Variants in SLC25A21 observed in about 807,000 individuals in gnomAD.
SLC25A21 encodes solute carrier family 25 member 21, also known as mitochondrial 2-oxodicarboxylate carrier.
A neutral mutation model predicts 43.8 loss-of-function variants in SLC25A21; 47 were observed. The ratio of observed to expected loss-of-function variants is 1.07; its 90% CI spans 0.85 to 1.37. The LOEUF (loss-of-function observed/expected upper bound fraction) is 1.37. Ranked by LOEUF, SLC25A21 falls within the 40% of genes most tolerant of loss-of-function variation. The pLI is 0.00. For missense variants in SLC25A21, 352 were observed against 350.2 expected, an observed-to-expected ratio of 1.00 and a Z score of -0.04; for synonymous variants, 131 against 121.3, an observed-to-expected ratio of 1.08 and a Z score of -0.52.
At chr14:36,702,493 A>AG (rs1478470508) in intron 7 of SLC25A21, among the ~76,000 whole-genome samples, 3 of 150,270 alleles carry the variant, frequency 2.0e-5, no homozygotes, top group Non-Finnish European at 3.0e-5. Flanking sequence ...AAAAAAAAAA[A>AG]AAAGAAAGAA....
intron 3 of SLC25A21, among the ~76,000 whole-genome samples, chr14:36,757,116 G>A (rs144643394): frequency 5.3e-5 from 8 of 150,138 alleles, no homozygotes; most frequent in African/African-American, 9.7e-5. Flanking sequence ...AAATGACCCA[G>A]GTGTGGTGGC....
rs185501560 is a variant in SLC25A21 at position 37,163,356 on chromosome 14, G to A, written c.70+8925C>T. On this transcript the variant is annotated intron_variant, in intron 1 of 9. Transcript: ENST00000331299. Reference sequence around the variant, plus strand: ...TGTTGTTTATGCTGCCCAGTTTGTGGTGCATTTTTCTGGTAACCCCAGCAA... The same window carrying A: ...TGTTGTTTATGCTGCCCAGTTTGTGATGCATTTTTCTGGTAACCCCAGCAA... Among the ~76,000 whole-genome samples the A allele has an allele frequency of 2.6e-4, 40 of 151,862 alleles. 1 individual carries two copies. The East Asian group carries it at 6.0e-3, about 23-fold the overall frequency.
intron 2 of SLC25A21, among the ~76,000 whole-genome samples, chr14:36,842,108 AT>A (rs904353777): frequency 6.6e-6 from 1 of 152,096 alleles, no homozygotes; most frequent in African/African-American, 2.4e-5. Context: ...GATGTGTCCT[AT>A]TTGTTTATGT....
At chr14:36,728,113 G>A (rs1884673037) in intron 5 of SLC25A21, among the ~76,000 whole-genome samples, 1 of 152,084 alleles carries the variant, frequency 6.6e-6, no homozygotes, top group Non-Finnish European at 1.5e-5. Context: ...TTTACTGTTC[G>A]GTTTCCAGTC....
chr14:37,079,003 A>T (rs895835818), intron 1 of SLC25A21, among the ~76,000 whole-genome samples: 2 of 152,314 alleles, frequency 1.3e-5, no homozygotes, highest in South Asian at 4.1e-4. Context: ...CAGGCTCACA[A>T]GCATTTCTCT....
chr14:36,700,681 A>G (rs1883241984), intron 7 of SLC25A21, among the ~76,000 whole-genome samples: 1 of 152,214 alleles, frequency 6.6e-6, no homozygotes, highest in Non-Finnish European at 1.5e-5. Flanking sequence ...TATCTAAAGA[A>G]AAGGGATATG....
chr14:36,813,377 T>A (rs140559475), intron 3 of SLC25A21, among the ~76,000 whole-genome samples: 2,012 of 151,894 alleles, frequency 0.013, 40 homozygotes, highest in African/African-American at 0.045. Context: ...TTTTTTTTTT[T>A]CTTAAAGACA....
At chr14:36,758,384 C>T (rs1886012488) in intron 3 of SLC25A21, among the ~76,000 whole-genome samples, 1 of 152,088 alleles carries the variant, frequency 6.6e-6, no homozygotes, top group Admixed American at 6.6e-5. Context: ...GAGTGTTTGG[C>T]CACAGAAGAC....
At chr14:36,983,020 A>G (rs1003465251) in intron 1 of SLC25A21, among the ~76,000 whole-genome samples, 1 of 152,210 alleles carries the variant, frequency 6.6e-6, no homozygotes, top group Non-Finnish European at 1.5e-5. Flanking sequence ...ACCATAAAGT[A>G]TGATTGAATA....
intron 1 of SLC25A21, among the ~76,000 whole-genome samples, chr14:36,920,193 C>T (rs1891942964): frequency 6.6e-6 from 1 of 151,860 alleles, no homozygotes; most frequent in South Asian, 2.1e-4. Flanking sequence ...AATCTCTATC[C>T]TATTAAAGAC....
At chr14:37,137,601 T>C (rs1443132306) in intron 1 of SLC25A21, among the ~76,000 whole-genome samples, 7 of 152,192 alleles carry the variant, frequency 4.6e-5, no homozygotes, top group African/African-American at 1.7e-4. Context: ...AATGCATCAT[T>C]TGTGCCAGCT....
chr14:37,146,260 C>A (rs956059088), intron 1 of SLC25A21, among the ~76,000 whole-genome samples: 4 of 152,180 alleles, frequency 2.6e-5, no homozygotes, highest in Non-Finnish European at 4.4e-5. Context: ...GAGTACCAAA[C>A]AGACCAAGAG....
intron 1 of SLC25A21, among the ~76,000 whole-genome samples, chr14:37,030,779 A>G (rs1291736033): frequency 6.6e-6 from 1 of 152,190 alleles, no homozygotes; most frequent in Non-Finnish European, 1.5e-5. Context: ...TGTTCCTAAA[A>G]TCAAAGAAAC....
At chr14:36,878,981 G>A (rs1324963688) in intron 1 of SLC25A21, among the ~76,000 whole-genome samples, 1 of 152,038 alleles carries the variant, frequency 6.6e-6, no homozygotes, top group Admixed American at 6.6e-5. Context: ...TAGTATTTGA[G>A]AAGGAATATG....
chr14:36,778,562 A>C (rs902945531), intron 3 of SLC25A21, among the ~76,000 whole-genome samples: 1 of 152,220 alleles, frequency 6.6e-6, no homozygotes, highest in African/African-American at 2.4e-5. Flanking sequence ...TTCAAGCCAC[A>C]GGGTGGGGGT....
intron 1 of SLC25A21, among the ~76,000 whole-genome samples, chr14:36,894,474 G>A (rs1203059316): frequency 1.3e-5 from 2 of 152,130 alleles, no homozygotes; most frequent in African/African-American, 2.4e-5. Context: ...ATACAATCAT[G>A]TCATCTGCAA....
intron 1 of SLC25A21, among the ~76,000 whole-genome samples, chr14:36,918,305 A>G (rs1891886773): frequency 6.6e-6 from 1 of 152,208 alleles, no homozygotes; most frequent in African/African-American, 2.4e-5. Context: ...TGGGTCACCC[A>G]TCCCAGAATC....
At position 37,128,577 on chromosome 14, in the gene SLC25A21, T is replaced by TGTGTGC. The variant is rs1024661078; in HGVS notation, c.70+43703_70+43704insGCACAC. ...GTGTGTGTGTGTGTGTGTGTGTGTG[T>TGTGTGC]GCATTTTGCTTTGTTTTATTTTTGA... On this transcript the variant is annotated intron_variant, in intron 1 of 9. Transcript: ENST00000331299. 7.2e-3 allele frequency among the ~76,000 whole-genome samples: 1,081 copies of TGTGTGC among 149,234 alleles called. 14 individuals are homozygous for TGTGTGC. The highest frequency in any genetic ancestry group is 0.026 in the African/African-American group (1,032 of 39,460).
At chr14:37,134,430 G>A (rs1048903858) in intron 1 of SLC25A21, among the ~76,000 whole-genome samples, 1 of 152,108 alleles carries the variant, frequency 6.6e-6, no homozygotes, top group Non-Finnish European at 1.5e-5. Context: ...CTGACACTCA[G>A]TACTTTTTCC....
Sources: allele counts gnomAD v4.1 joint callset (sites outside exome capture counted in the v4.1 genomes callset), GRCh38; gene constraint gnomAD v4.1.1; transcripts MANE v1.5; gene names NCBI Gene and HGNC (gene_info 2026-07-23, HGNC 2026-07-21).